SYN3: variants seen among roughly 807,000 people sequenced by gnomAD.
SYN3 encodes the protein synapsin-3.
A neutral mutation model predicts 65.8 loss-of-function variants in SYN3; 35 were observed. The observed-to-expected ratio is 0.53, with a 90% CI of 0.41 to 0.70. The LOEUF is 0.70. SYN3 is among the 30% of genes least tolerant of loss of function. SYN3 has a pLI of 0.00. For synonymous variants in SYN3, 270 were observed against 292.9 expected (o/e 0.92, Z 0.80); for missense variants, 680 against 749.0 (o/e 0.91, Z 1.08).
chr22:32,545,663 C>A lies in SYN3; in HGVS notation c.775-3950G>T, dbSNP rs138997533. Among the ~76,000 whole-genome samples the A allele has an allele frequency of 5.0e-3, 760 of 152,182 alleles. 6 individuals carry two copies. The highest frequency in any genetic ancestry group is 0.018 in the African/African-American group (727 of 41,520). On this transcript the variant is annotated intron_variant, in intron 7 of 13. Coordinates refer to ENST00000358763, the MANE Select transcript of SYN3 (RefSeq NM_003490.4). ...ACAACCTCTGCCTCCTGGATTCAAG[C>A]GATTCTCTTGCTTCAGCCTCTCAAG...
intron 7 of SYN3, among the ~76,000 whole-genome samples, chr22:32,571,989 A>T (rs1239381904): frequency 6.6e-6 from 1 of 152,030 alleles, no homozygotes; most frequent in African/African-American, 2.4e-5. Context: ...AGGAAACTGC[A>T]GATGGTGAGA....
intron 6 of SYN3, among the ~76,000 whole-genome samples, chr22:32,851,631 C>T (rs868094840): frequency 1.5e-4 from 23 of 152,210 alleles, no homozygotes; most frequent in Middle Eastern, 3.4e-3. Context: ...CTGACAGAGG[C>T]GCAAAGGGGA....
intron 6 of SYN3, among the ~76,000 whole-genome samples, chr22:32,769,387 C>T (rs1219154476): frequency 6.6e-6 from 1 of 152,194 alleles, no homozygotes; most frequent in Non-Finnish European, 1.5e-5. Context: ...CATAGTTGAT[C>T]ATTCCACCTC....
intron 6 of SYN3, among the ~76,000 whole-genome samples, chr22:32,700,077 A>C (rs1264968027): frequency 6.6e-6 from 1 of 152,032 alleles, no homozygotes; most frequent in Non-Finnish European, 1.5e-5. Flanking sequence ...AACAATCGAA[A>C]ATTTCTGCCT....
At chr22:32,575,761 G>A (rs1027903038) in intron 7 of SYN3, among the ~76,000 whole-genome samples, 16 of 152,134 alleles carry the variant, frequency 1.1e-4, no homozygotes, top group Non-Finnish European at 2.1e-4. Flanking sequence ...CTCTGGGCAC[G>A]GTAGAGATGG....
chr22:32,774,444 G>A (rs2045856950), intron 6 of SYN3, among the ~76,000 whole-genome samples: 1 of 152,092 alleles, frequency 6.6e-6, no homozygotes, highest in Middle Eastern at 3.4e-3. Context: ...AGATAAGGAA[G>A]GACCCTCCTC....
intron 6 of SYN3, among the ~76,000 whole-genome samples, chr22:32,840,301 C>T (rs2047857804): frequency 6.6e-6 from 1 of 152,150 alleles, no homozygotes; most frequent in African/African-American, 2.4e-5. Context: ...TCAGGACAGG[C>T]TTTGAACTGG....
intron 4 of SYN3, among the ~76,000 whole-genome samples, chr22:32,877,906 T>C (rs561442565): frequency 6.6e-6 from 1 of 152,278 alleles, no homozygotes; most frequent in Admixed American, 6.5e-5. Context: ...ATGAAAGTGA[T>C]TCAGATTTAT....
intron 6 of SYN3, among the ~76,000 whole-genome samples, chr22:32,740,156 G>C (rs1489220890): frequency 6.6e-6 from 1 of 152,206 alleles, no homozygotes; most frequent in Non-Finnish European, 1.5e-5. Context: ...TGTGTGAAGA[G>C]GGTTAGACTC....
intron 7 of SYN3, among the ~76,000 whole-genome samples, chr22:32,573,087 C>G (rs1300275012): frequency 1.3e-5 from 2 of 152,250 alleles, no homozygotes; most frequent in South Asian, 2.1e-4. Context: ...AATATTTATA[C>G]CCCAGAAACT....
At chr22:32,897,209 G>C (rs2049618313) in intron 4 of SYN3, among the ~76,000 whole-genome samples, 1 of 152,224 alleles carries the variant, frequency 6.6e-6, no homozygotes, top group Non-Finnish European at 1.5e-5. Context: ...ATGGGTGTAA[G>C]ATAAGAGTGC....
intron 6 of SYN3, among the ~76,000 whole-genome samples, chr22:32,735,821 C>T (rs2147363050): frequency 6.6e-6 from 1 of 152,340 alleles, no homozygotes; most frequent in South Asian, 2.1e-4. Flanking sequence ...TGTCTGGGAA[C>T]TTGAACCACT....
Position 33,017,316 on chromosome 22 carries a change from A to G in SYN3, c.-162-10492T>C, listed in dbSNP as rs917141650. Among the ~76,000 whole-genome samples, 7 of 152,308 alleles carry G rather than the reference A, an allele frequency of 4.6e-5. 1 individual carries two copies. The highest frequency in any genetic ancestry group is 3.9e-4 in the East Asian group (2 of 5,192). Reference sequence around the variant, plus strand: ...TTACTATAGCTTTGTAATAGATTTCAAGTGCCTCTAGCTTTCTTCTTTTGT... The same window carrying G: ...TTACTATAGCTTTGTAATAGATTTCGAGTGCCTCTAGCTTTCTTCTTTTGT... On this transcript the variant is annotated intron_variant, in intron 1 of 13. Coordinates refer to ENST00000358763, the MANE Select transcript of SYN3 (RefSeq NM_003490.4).
chr22:32,834,141 G>A (rs1388596823), intron 6 of SYN3, among the ~76,000 whole-genome samples: 1 of 151,720 alleles, frequency 6.6e-6, no homozygotes, highest in African/African-American at 2.4e-5. Flanking sequence ...GTGCTTCAGG[G>A]ACTACCTGAG....
At chr22:32,547,656 G>A (rs993447032) in intron 7 of SYN3, among the ~76,000 whole-genome samples, 10 of 152,356 alleles carry the variant, frequency 6.6e-5, no homozygotes, top group African/African-American at 2.2e-4. Context: ...AGCAAGGAGG[G>A]AGAGTGGAAA....
At chr22:32,555,294 T>A (rs2058477847) in intron 7 of SYN3, among the ~76,000 whole-genome samples, 1 of 152,174 alleles carries the variant, frequency 6.6e-6, no homozygotes, top group South Asian at 2.1e-4. Context: ...GGACATCCCA[T>A]CTCCCCTGAG....
chr22:32,569,445 A>ATCTC (rs1364039055), intron 7 of SYN3, among the ~76,000 whole-genome samples: 1 of 139,578 alleles, frequency 7.2e-6, no homozygotes, highest in Non-Finnish European at 1.5e-5. Flanking sequence ...CTATCTATCT[A>ATCTC]TCTTCTCTAT....
intron 6 of SYN3, among the ~76,000 whole-genome samples, chr22:32,734,935 G>C (rs1158633698): frequency 6.6e-6 from 1 of 152,180 alleles, no homozygotes; most frequent in African/African-American, 2.4e-5. Flanking sequence ...GTGCCTACCT[G>C]TTTTGGAAGG....
chr22:33,028,673 G>GTGGTGGTGGTGGTGGTGGTGA (rs1569413441), intron 1 of SYN3, among the ~76,000 whole-genome samples: 1 of 113,434 alleles, frequency 8.8e-6, no homozygotes, highest in Non-Finnish European at 1.9e-5. Context: ...GGTGGTGGTG[G>GTGGTGGTGGTGGTGGTGGTGA]TGGTGGTGGT....
Sources: gnomAD v4.1 joint callset for allele counts (sites outside exome capture counted in the v4.1 genomes callset) on GRCh38, gnomAD v4.1.1 for gene constraint, MANE v1.5 for transcripts, NCBI Gene and HGNC (gene_info 2026-07-23, HGNC 2026-07-21) for gene names.